ZNF362: variants seen among roughly 807,000 people sequenced by gnomAD.
ZNF362 encodes the protein rotund homolog.
Under a neutral mutation model 42.9 loss-of-function variants are expected in ZNF362, and 11 were observed. The ratio of observed to expected loss-of-function variants is 0.26; its 90% CI spans 0.16 to 0.42. The LOEUF (loss-of-function observed/expected upper bound fraction) is 0.42, where lower values mean the gene tolerates loss of function less well. Among genes scored for constraint, ZNF362 ranks in the 20% least tolerant of loss-of-function variants. The pLI, the probability that ZNF362 is intolerant of heterozygous loss-of-function variation, is 1.00. For synonymous variants in ZNF362, 255 were observed against 257.3 expected, an observed-to-expected ratio of 0.99 and a Z score of 0.09; for missense variants, 362 against 576.2, an observed-to-expected ratio of 0.63 and a Z score of 3.81.
At chr1:33,133,267 A>G in the ZNF362 span, among the ~76,000 whole-genome samples, 1 of 152,372 alleles carries the variant, frequency 6.6e-6, no homozygotes, top group South Asian at 2.1e-4. Flanking sequence ...GCGAGGCTTT[A>G]TCCAGCTAAG....
the ZNF362 span, among the ~76,000 whole-genome samples, chr1:33,182,870 G>T: frequency 6.6e-6 from 1 of 152,106 alleles, no homozygotes; most frequent in African/African-American, 2.4e-5. Flanking sequence ...TCATGGTAAA[G>T]AATTTCTTGA....
At chr1:33,242,578 A>C in the ZNF362 span, among the ~76,000 whole-genome samples, 1 of 152,192 alleles carries the variant, frequency 6.6e-6, no homozygotes, top group Non-Finnish European at 1.5e-5. Context: ...GACCCAGAAA[A>C]AGACAAAAAC....
chr1:33,232,540 C>T, the ZNF362 span, among the ~76,000 whole-genome samples: 2 of 152,310 alleles, frequency 1.3e-5, no homozygotes, highest in East Asian at 1.9e-4. Flanking sequence ...GGATTACAGG[C>T]GTGAGCCACC....
the ZNF362 span, chr1:33,147,538 A>G: frequency 6.2e-7 from 1 of 1,613,684 alleles, no homozygotes; most frequent in South Asian, 1.1e-5. This position sits in a 1 kb window ranked among gnomAD's most constrained non-coding sequence, Gnocchi z 8.1. Context: ...CTCCGCCACC[A>G]CCACCTCCCA....
At chr1:33,153,424 G>T in the ZNF362 span, among the ~76,000 whole-genome samples, 2 of 152,228 alleles carry the variant, frequency 1.3e-5, no homozygotes, top group African/African-American at 4.8e-5. Flanking sequence ...TTGCTTCCCA[G>T]GGACATCTGG....
the ZNF362 span, among the ~76,000 whole-genome samples, chr1:33,186,104 G>A: frequency 6.6e-6 from 1 of 152,020 alleles, no homozygotes; most frequent in Non-Finnish European, 1.5e-5. Context: ...AATACTTGAG[G>A]CACAATTGCT....
chr1:33,195,519 C>T, the ZNF362 span: 1 of 152,224 alleles, frequency 6.6e-6, no homozygotes, highest in African/African-American at 2.4e-5. Context: ...TCATAGCCTA[C>T]TACACACCTG....
the ZNF362 span, among the ~76,000 whole-genome samples, chr1:33,204,530 A>G: frequency 8.5e-5 from 13 of 152,230 alleles, no homozygotes; most frequent in Non-Finnish European, 1.3e-4. Context: ...AAACTTTCAT[A>G]GGGATTGGAA....
chr1:33,279,145 C>T (rs908388401), intron 4 of ZNF362, among the ~76,000 whole-genome samples: 11 of 152,050 alleles, frequency 7.2e-5, no homozygotes. Context: ...CCACCCCAGC[C>T]TCCCTAGTAG....
chr1:33,159,851 G>A, the ZNF362 span: 1 of 1,613,436 alleles, frequency 6.2e-7, no homozygotes, highest in African/African-American at 1.3e-5. This position sits in a 1 kb window ranked among gnomAD's most constrained non-coding sequence, Gnocchi z 4.2. Context: ...TCCGCCTCCA[G>A]CTCCTCTAGC....
the ZNF362 span, among the ~76,000 whole-genome samples, chr1:33,168,198 G>A: frequency 6.6e-6 from 1 of 152,122 alleles, no homozygotes; most frequent in Non-Finnish European, 1.5e-5. Context: ...TGTTTTGAGA[G>A]CCCATGCTGA....
the ZNF362 span, among the ~76,000 whole-genome samples, chr1:33,229,793 C>G: frequency 4.7e-3 from 719 of 152,300 alleles, 8 homozygotes; most frequent in African/African-American, 0.016. Flanking sequence ...CCTTCTTCCC[C>G]TTTAGCGATT....
chr1:33,167,717 C>T, the ZNF362 span, among the ~76,000 whole-genome samples: 3 of 152,352 alleles, frequency 2.0e-5, no homozygotes, highest in East Asian at 5.8e-4. The surrounding 1 kb of genome is among the most constrained non-coding windows in gnomAD (Gnocchi z 4.2). Context: ...CCACCTCCCT[C>T]CCACTCATTC....
intron 1 of ZNF362, 113 bp from the exon 2 acceptor site, chr1:33,270,374 T>A: frequency 1.9e-6 from 1 of 536,828 alleles, no homozygotes; most frequent in Non-Finnish European, 3.4e-6. Flanking sequence ...ATTGGGAAGA[T>A]TCAGTGACAT....
the ZNF362 span, among the ~76,000 whole-genome samples, chr1:33,216,920 G>A: frequency 1.3e-5 from 2 of 151,726 alleles, no homozygotes; most frequent in Non-Finnish European, 2.9e-5. Flanking sequence ...ACCACAGAGA[G>A]CTTTTCCAAG....
the ZNF362 span, among the ~76,000 whole-genome samples, chr1:33,241,986 GATGAC>G: frequency 6.6e-6 from 1 of 152,228 alleles, no homozygotes; most frequent in Non-Finnish European, 1.5e-5. Context: ...GACAGCTAAA[GATGAC>G]ACTGAGCCAA....
chr1:33,200,032 AC>A, the ZNF362 span: 1 of 152,244 alleles, frequency 6.6e-6, no homozygotes, highest in Non-Finnish European at 1.5e-5. Flanking sequence ...AACAAAACAA[AC>A]AAACAAAACA....
At chr1:33,181,475 G>T in the ZNF362 span, 14 of 1,535,984 alleles carry the variant, frequency 9.1e-6, no homozygotes, top group Non-Finnish European at 1.2e-5. The surrounding 1 kb of genome is among the most constrained non-coding windows in gnomAD (Gnocchi z 6.5). Context: ...GGGCAGGGGG[G>T]CGGCTGAGAG....
the ZNF362 span, among the ~76,000 whole-genome samples, chr1:33,193,869 G>A: frequency 1.3e-5 from 2 of 152,138 alleles, no homozygotes; most frequent in African/African-American, 4.8e-5. Flanking sequence ...AGGCAGTAAC[G>A]GTACTAACAG....
Sources: gnomAD v4.1 joint callset for allele counts (sites outside exome capture counted in the v4.1 genomes callset) on GRCh38, gnomAD v4.1.1 for gene constraint, Gnocchi (gnomAD v3.1) non-coding constraint, MANE v1.5 for transcripts, NCBI Gene and HGNC (gene_info 2026-07-23, HGNC 2026-07-21) for gene names.